The following RBPJ variants were observed in gnomAD, a reference collection of about 807,000 sequenced individuals.
RBPJ encodes the protein recombining binding protein suppressor of hairless.
In RBPJ, 9 loss-of-function variants were observed where a neutral mutation model predicts 67.8. The ratio of observed to expected loss-of-function variants is 0.13; its 90% CI spans 0.08 to 0.23. The LOEUF is 0.23. Ranked by LOEUF, RBPJ falls within the 10% of genes least tolerant of loss-of-function variation. The pLI is 1.00. For missense variants in RBPJ, 305 were observed against 595.6 expected (o/e 0.51, Z 5.08); for synonymous variants, 198 against 203.3 (o/e 0.97, Z 0.22).
At chr4:26,244,629 ATTTC>A (rs1484226878) in intron 1 of RBPJ, among the ~76,000 whole-genome samples, 1 of 151,748 alleles carries the variant, frequency 6.6e-6, no homozygotes, top group South Asian at 2.1e-4. Context: ...ATCGATTTTA[ATTTC>A]TTTCTTTCTT....
chr4:26,214,748 AAG>A (rs1264159277), intron 1 of RBPJ, among the ~76,000 whole-genome samples: 2 of 59,930 alleles, frequency 3.3e-5, no homozygotes, highest in East Asian at 1.5e-3. Context: ...GAGAGAGAGA[AAG>A]AGAAAAAGAG....
At chr4:26,207,267 G>A (rs951285932) in intron 1 of RBPJ, among the ~76,000 whole-genome samples, 4 of 152,130 alleles carry the variant, frequency 2.6e-5, no homozygotes, top group African/African-American at 9.7e-5. Flanking sequence ...GCCGGGTTTA[G>A]GATGGAGAAC....
chr4:26,426,977 C>T lies in RBPJ; in HGVS notation c.748-1743C>T, dbSNP rs1033782590. Among the ~76,000 whole-genome samples the T allele has an allele frequency of 5.3e-5, 8 of 152,132 alleles. 1 individual carries two copies. The South Asian group carries it at 1.2e-3, about 24-fold the overall frequency. Reference sequence around the variant, plus strand: ...TAGAAGGCCACTGGAGGATTTTAAACGGGGCACGATGGCCTATTTTTGTTT... The same window carrying T: ...TAGAAGGCCACTGGAGGATTTTAAATGGGGCACGATGGCCTATTTTTGTTT... On this transcript the variant is annotated intron_variant, in intron 7 of 10. Transcript: ENST00000355476.
intron 1 of RBPJ, among the ~76,000 whole-genome samples, chr4:26,186,621 C>G (rs1032642887): frequency 6.6e-6 from 1 of 152,110 alleles, no homozygotes; most frequent in African/African-American, 2.4e-5. Context: ...ATGTACAGGC[C>G]AAGGCTTGGC....
At chr4:26,163,458 A>G (rs563613865) in exon 1 of RBPJ, 6 of 149,120 alleles carry the variant, frequency 4.0e-5, no homozygotes, top group African/African-American at 1.5e-4. Flanking sequence ...CTTCCTCTTC[A>G]TTCTGACATT....
intron 1 of RBPJ, among the ~76,000 whole-genome samples, chr4:26,208,261 C>T (rs1043122971): frequency 6.6e-6 from 1 of 152,180 alleles, no homozygotes; most frequent in African/African-American, 2.4e-5. Flanking sequence ...ATTTGAGGCA[C>T]AGAGTGGTTG....
At chr4:26,334,513 ATTC>A in intron 1 of RBPJ, among the ~76,000 whole-genome samples, 1 of 152,258 alleles carries the variant, frequency 6.6e-6, no homozygotes, top group East Asian at 1.9e-4. Flanking sequence ...ATACATGAGA[ATTC>A]TTCTGAGGAT....
chr4:26,393,557 TAG>T (rs1731761559), intron 2 of RBPJ, among the ~76,000 whole-genome samples: 1 of 151,974 alleles, frequency 6.6e-6, no homozygotes, highest in Admixed American at 6.6e-5. Flanking sequence ...ATATTTTTTG[TAG>T]AGACAGGATT....
At chr4:26,425,543 A>G (rs1735558108) in intron 7 of RBPJ, among the ~76,000 whole-genome samples, 1 of 152,100 alleles carries the variant, frequency 6.6e-6, no homozygotes. Flanking sequence ...CGGGAGGTCA[A>G]GGCTGCAATG....
intron 1 of RBPJ, among the ~76,000 whole-genome samples, chr4:26,174,959 A>G (rs551385208): frequency 2.0e-5 from 3 of 152,322 alleles, no homozygotes; most frequent in South Asian, 4.1e-4. Context: ...AAAGAAAGCT[A>G]GTAAACAAGA....
chr4:26,151,780 A>G, the RBPJ span, among the ~76,000 whole-genome samples: 260 of 152,332 alleles, frequency 1.7e-3, no homozygotes, highest in Middle Eastern at 0.01. Context: ...GTTATGGCCC[A>G]TCTCCAAAGG....
At chr4:26,306,438 AATT>A (rs556823125) in intron 1 of RBPJ, among the ~76,000 whole-genome samples, 103 of 146,862 alleles carry the variant, frequency 7.0e-4, no homozygotes, top group South Asian at 1.1e-3. Flanking sequence ...TTATTTGGAG[AATT>A]ATTATTATTA....
At chr4:26,333,967 C>A (rs1030461178) in intron 1 of RBPJ, among the ~76,000 whole-genome samples, 1 of 151,972 alleles carries the variant, frequency 6.6e-6, no homozygotes, top group African/African-American at 2.4e-5. Flanking sequence ...GTACATGGCT[C>A]GGACATAATT....
At position 26,428,720 on chromosome 4, in the gene RBPJ, A is replaced by G. The variant is rs760317541; in HGVS notation, c.748A>G (p.Ile250Val). The G allele has an allele frequency of 8.7e-6, 14 of 1,605,698 alleles. No individual in the cohort carries two copies. Among genetic ancestry groups the G allele is most frequent in the Non-Finnish European group, 1.2e-5 (14 of 1,175,906 alleles). ...SVTGMALPRL[I>V]IRKVDKQTAL... The stretch of plus-strand genomic sequence containing the variant: ...TTTATTTCTTAATTGTTAAATATAG[A>G]TAATTAGGAAAGTTGATAAGCAGAC... Residue 250 changes from isoleucine to valine, a missense_variant and splice_region_variant, in exon 8 of 11, where the codon ATA becomes GTA. Ile to Val is a conservative substitution (Grantham distance 29). Coordinates refer to ENST00000355476, the MANE Select transcript of RBPJ (RefSeq NM_015874.6).
chr4:26,255,750 C>T (rs1385057871), intron 1 of RBPJ, among the ~76,000 whole-genome samples: 1 of 148,112 alleles, frequency 6.8e-6, no homozygotes, highest in African/African-American at 2.5e-5. Context: ...TGCAGTGAGC[C>T]GAGATCGTGC....
intron 1 of RBPJ, among the ~76,000 whole-genome samples, chr4:26,228,728 T>A (rs1204995065): frequency 1.3e-5 from 2 of 152,262 alleles, no homozygotes; most frequent in Non-Finnish European, 2.9e-5. Flanking sequence ...TGGAGCTAGC[T>A]AGCAGTGGAA....
chr4:26,128,797 G>A, the RBPJ span, among the ~76,000 whole-genome samples: 279 of 152,232 alleles, frequency 1.8e-3, no homozygotes, highest in Middle Eastern at 6.8e-3. Flanking sequence ...GAATCATGGG[G>A]GTGGTTTCCC....
At chr4:26,428,904 T>A in intron 8 of RBPJ, 44 bp downstream of exon 8, 2 of 1,501,020 alleles carry the variant, frequency 1.3e-6, no homozygotes, top group Non-Finnish European at 1.9e-6. Context: ...GTACAAACTG[T>A]GAGGTTAGCA....
At chr4:26,168,714 G>A (rs903613950) in intron 1 of RBPJ, among the ~76,000 whole-genome samples, 52 of 152,248 alleles carry the variant, frequency 3.4e-4, no homozygotes, top group Non-Finnish European at 5.3e-4. Context: ...ACACCAATCA[G>A]ACGCAGATTT....
Sources: allele counts gnomAD v4.1 joint callset (sites outside exome capture counted in the v4.1 genomes callset), GRCh38; gene constraint gnomAD v4.1.1; transcripts MANE v1.5; gene names NCBI Gene and HGNC (gene_info 2026-07-23, HGNC 2026-07-21).